Variants in RBFOX1 observed in about 807,000 individuals in gnomAD.
RBFOX1 encodes the protein RNA binding fox-1 homolog 1.
RBFOX1 carries 8 observed loss-of-function variants against 57.7 expected under a neutral mutation model. That is an observed-to-expected ratio of 0.14 (90% CI 0.08 to 0.25). The LOEUF (loss-of-function observed/expected upper bound fraction) is 0.25. RBFOX1 is among the 10% of genes least tolerant of loss of function. The pLI, the probability that RBFOX1 is intolerant of heterozygous loss-of-function variation, is 1.00. For synonymous variants in RBFOX1, 326 were observed against 222.4 expected, an observed-to-expected ratio of 1.47 and a Z score of -4.15; for missense variants, 611 against 548.5, an observed-to-expected ratio of 1.11 and a Z score of -1.14.
chr16:6,045,359 A>T (rs182558415), intron 1 of RBFOX1, among the ~76,000 whole-genome samples: 1 of 152,238 alleles, frequency 6.6e-6, no homozygotes, highest in East Asian at 1.9e-4. Flanking sequence ...TGACTCCGAG[A>T]GTTGAGAGTT....
At chr16:7,514,320 C>A (rs1020311514) in intron 4 of RBFOX1, among the ~76,000 whole-genome samples, 1 of 152,170 alleles carries the variant, frequency 6.6e-6, no homozygotes, top group Non-Finnish European at 1.5e-5. Context: ...ATCCCCCTAC[C>A]CTATCTCCTG....
chr16:5,462,867 A>T (rs1031738656), intron 1 of RBFOX1, among the ~76,000 whole-genome samples: 9 of 152,188 alleles, frequency 5.9e-5, no homozygotes, highest in Non-Finnish European at 4.4e-5. Flanking sequence ...TCCTACAGGC[A>T]TGGGACGAGC....
intron 4 of RBFOX1, among the ~76,000 whole-genome samples, chr16:5,990,703 C>G (rs1377604307): frequency 6.7e-6 from 1 of 150,290 alleles, no homozygotes; most frequent in Non-Finnish European, 1.5e-5. Flanking sequence ...CACAGTGGCT[C>G]ACGCCTGTAA....
chr16:6,817,479 A>C (rs973358224), intron 3 of RBFOX1, among the ~76,000 whole-genome samples: 2 of 147,514 alleles, frequency 1.4e-5, no homozygotes, highest in Admixed American at 6.9e-5. Context: ...AGATTGGTTG[A>C]GGTCAAGAGT....
At chr16:6,368,580 T>A (rs2089999490) in intron 2 of RBFOX1, among the ~76,000 whole-genome samples, 1 of 152,244 alleles carries the variant, frequency 6.6e-6, no homozygotes, top group South Asian at 2.1e-4. Context: ...CTCTATGATC[T>A]GAGCTTCCAC....
rs549416523 is a variant in RBFOX1 at position 6,961,582 on chromosome 16, G to C, written c.-15-90475G>C. On this transcript the variant is annotated intron_variant, in intron 3 of 15. Coordinates refer to ENST00000550418, the MANE Select transcript of RBFOX1 (RefSeq NM_018723.4). Reference sequence around the variant, plus strand: ...CAAACGAATGGCTACTCCATAGGCAGAGCAGCTCTGAGGGCTGCTGATTGG... The same window carrying C: ...CAAACGAATGGCTACTCCATAGGCACAGCAGCTCTGAGGGCTGCTGATTGG... Among the ~76,000 whole-genome samples the C allele has an allele frequency of 1.5e-4, 23 of 152,318 alleles. No individual in the cohort carries two copies. In the South Asian group the frequency reaches 4.8e-3, roughly 32 times the overall value.
intron 1 of RBFOX1, among the ~76,000 whole-genome samples, chr16:6,207,343 T>A (rs138101896): frequency 7.2e-5 from 11 of 152,230 alleles, no homozygotes; most frequent in Admixed American, 7.2e-4. Context: ...CTGATAAAAT[T>A]ATCTAGCAGC....
chr16:7,670,543 G>C (rs955778127), intron 13 of RBFOX1, among the ~76,000 whole-genome samples: 1 of 152,106 alleles, frequency 6.6e-6, no homozygotes, highest in Non-Finnish European at 1.5e-5. Flanking sequence ...TAACGGGGTG[G>C]TTAGACCACT....
intron 2 of RBFOX1, among the ~76,000 whole-genome samples, chr16:5,468,332 A>G (rs1168406449): frequency 6.6e-6 from 1 of 152,128 alleles, no homozygotes; most frequent in Non-Finnish European, 1.5e-5. Context: ...TGTACCCATT[A>G]AGCAGTCTCC....
At chr16:5,875,925 G>A (rs915526672) in intron 4 of RBFOX1, among the ~76,000 whole-genome samples, 3 of 151,064 alleles carry the variant, frequency 2.0e-5, no homozygotes, top group Non-Finnish European at 4.4e-5. Flanking sequence ...CTCACTGCAA[G>A]CCCCGCCTCC....
At chr16:6,385,079 ACT>A (rs988526003) in intron 2 of RBFOX1, among the ~76,000 whole-genome samples, 1 of 152,080 alleles carries the variant, frequency 6.6e-6, no homozygotes, top group African/African-American at 2.4e-5. Context: ...AGCTTTTCAA[ACT>A]CTCAGACTCT....
intron 10 of RBFOX1, among the ~76,000 whole-genome samples, chr16:7,616,990 TA>T (rs200937855): frequency 0.15 from 21,096 of 142,160 alleles, 2,217 homozygotes; most frequent in East Asian, 0.63. Flanking sequence ...GCACAACCAT[TA>T]AAAAAAAAAA....
intron 2 of RBFOX1, among the ~76,000 whole-genome samples, chr16:6,571,773 C>A (rs12924745): frequency 0.45 from 69,088 of 152,012 alleles, 18,136 homozygotes; most frequent in East Asian, 0.65. Flanking sequence ...CTGCTGCAGC[C>A]ACTCAGTAAA....
Position 5,758,861 on chromosome 16 carries a change from TG to T in RBFOX1, c.319-108440del, listed in dbSNP as rs1308749971. 1.3e-4 allele frequency among the ~76,000 whole-genome samples: 20 copies of T among 152,294 alleles called. No individual in the cohort carries two copies. In the East Asian group the frequency reaches 3.9e-3, roughly 30 times the overall value. ...AAAAAGGTTTGTTAATGTCCCACTG[TG>T]GCAAAAGCGTGGCTGACCCTCCATG... is the stretch of plus-strand genomic sequence containing the variant. On this transcript the variant is annotated intron_variant, in intron 3 of 19. Transcript: ENST00000641259.
intron 1 of RBFOX1, among the ~76,000 whole-genome samples, chr16:6,127,595 G>C (rs2096599216): frequency 6.6e-6 from 1 of 152,072 alleles, no homozygotes; most frequent in Non-Finnish European, 1.5e-5. Context: ...GATTCATGTG[G>C]GACCTTTTCA....
chr16:6,826,926 T>C (rs1232470044), intron 3 of RBFOX1, among the ~76,000 whole-genome samples: 1 of 152,210 alleles, frequency 6.6e-6, no homozygotes, highest in East Asian at 1.9e-4. Context: ...ATGTTCCATT[T>C]TTTGTGCAAA....
chr16:5,322,599 T>C (rs1274163011), intron 1 of RBFOX1, among the ~76,000 whole-genome samples: 1 of 152,182 alleles, frequency 6.6e-6, no homozygotes, highest in African/African-American at 2.4e-5. Flanking sequence ...GCTCAAGCCC[T>C]TTTGTTCTCT....
At chr16:7,699,045 G>A (rs553965285) in intron 14 of RBFOX1, among the ~76,000 whole-genome samples, 5 of 152,298 alleles carry the variant, frequency 3.3e-5, no homozygotes, top group African/African-American at 1.2e-4. Flanking sequence ...CAAATGCAGA[G>A]CCTGTTTTGT....
At chr16:6,975,547 G>A (rs937038296) in intron 3 of RBFOX1, among the ~76,000 whole-genome samples, 5 of 152,090 alleles carry the variant, frequency 3.3e-5, no homozygotes, top group African/African-American at 4.8e-5. Context: ...GATTACAGGC[G>A]TGAGCCACTG....
Sources: allele counts gnomAD v4.1 joint callset (sites outside exome capture counted in the v4.1 genomes callset), GRCh38; gene constraint gnomAD v4.1.1; transcripts MANE v1.5; gene names NCBI Gene and HGNC (gene_info 2026-07-23, HGNC 2026-07-21).